Variants in IGF2BP2 observed in about 807,000 individuals in gnomAD.
IGF2BP2 encodes the protein insulin like growth factor 2 mRNA binding protein 2, also known as insulin-like growth factor 2 mRNA-binding protein 2.
A neutral mutation model predicts 75.8 loss-of-function variants in IGF2BP2; 17 were observed. The observed-to-expected ratio is 0.22, with a 90% CI of 0.15 to 0.34. IGF2BP2 has a LOEUF of 0.34. Ranked by LOEUF, IGF2BP2 falls within the 10% of genes least tolerant of loss-of-function variation. The pLI is 1.00. For synonymous variants in IGF2BP2, 288 were observed against 295.6 expected (o/e 0.97, Z 0.26); for missense variants, 516 against 772.4 (o/e 0.67, Z 3.93).
intron 13 of IGF2BP2, 47 bp from the exon 14 acceptor site, chr3:185,649,581 G>A (rs368015923): frequency 3.9e-5 from 62 of 1,609,132 alleles, no homozygotes; most frequent in East Asian, 2.0e-4. Flanking sequence ...GCCAGCAGCC[G>A]GCCACTTCAT....
intron 8 of IGF2BP2, 94 bp from the exon 9 acceptor site, chr3:185,675,525 G>C (rs928873231): frequency 5.6e-6 from 8 of 1,426,112 alleles, no homozygotes; most frequent in Admixed American, 2.2e-5. Flanking sequence ...TTGGCGGAGA[G>C]AGAGAAGACT....
chr3:185,706,694 C>G (rs1385416250), intron 2 of IGF2BP2, among the ~76,000 whole-genome samples: 1 of 151,604 alleles, frequency 6.6e-6, no homozygotes, highest in African/African-American at 2.4e-5. Context: ...GAAACCATCA[C>G]GCACTGTTCT....
At chr3:185,707,498 G>A (rs955163281) in intron 2 of IGF2BP2, among the ~76,000 whole-genome samples, 6 of 151,268 alleles carry the variant, frequency 4.0e-5, no homozygotes, top group Admixed American at 6.6e-5. Flanking sequence ...TAGTAGAGAC[G>A]GGGTTTCACC....
chr3:185,718,683 T>TAAAAAA (rs1560351743), intron 2 of IGF2BP2, among the ~76,000 whole-genome samples: 2 of 22,122 alleles, frequency 9.0e-5, no homozygotes, highest in African/African-American at 3.8e-4. Flanking sequence ...AGACTCTGTC[T>TAAAAAA]CAAAAAAAAA....
At chr3:185,662,294 A>T (rs1047745776) in intron 10 of IGF2BP2, among the ~76,000 whole-genome samples, 1 of 152,022 alleles carries the variant, frequency 6.6e-6, no homozygotes, top group Non-Finnish European at 1.5e-5. Context: ...CCTGGCCAAC[A>T]TGGTGAAACC....
At chr3:185,745,231 G>C (rs989795968) in intron 2 of IGF2BP2, among the ~76,000 whole-genome samples, 1 of 152,150 alleles carries the variant, frequency 6.6e-6, no homozygotes, top group Non-Finnish European at 1.5e-5. Flanking sequence ...ATCCTAAATA[G>C]AGGAATGGTC....
At position 185,643,259 on chromosome 3, in the gene IGF2BP2, C is replaced by T. The variant is rs966884887; in HGVS notation, c.*2272G>A. 3.9e-5 allele frequency among the ~76,000 whole-genome samples: 6 copies of T among 152,160 alleles called. No homozygotes were observed. Among genetic ancestry groups the T allele is most frequent in the African/African-American group, 7.2e-5 (3 of 41,444 alleles). Reference sequence around the variant, plus strand: ...CGTGGAGGCGTGAAGTGCCTCTTCCCGGAACTGCCGGGCATATTATCCTCC... The same window carrying T: ...CGTGGAGGCGTGAAGTGCCTCTTCCTGGAACTGCCGGGCATATTATCCTCC... On this transcript the variant is annotated 3_prime_UTR_variant, in exon 16 of 16. Coordinates refer to ENST00000382199, the MANE Select transcript of IGF2BP2 (RefSeq NM_006548.6).
rs1432054328 is a variant in IGF2BP2 at position 185,645,295 on chromosome 3, TG to T, written c.*235del. The T allele has an allele frequency of 5.5e-6, 3 of 549,748 alleles. No homozygotes were observed. Among genetic ancestry groups the T allele is most frequent in the East Asian group, 2.9e-5 (1 of 34,396 alleles). 34.1% of individuals were successfully genotyped at this position (549,748 alleles called of 1,614,324 possible). On this transcript the variant is annotated 3_prime_UTR_variant, in exon 16 of 16. Coordinates refer to ENST00000382199, the MANE Select transcript of IGF2BP2 (RefSeq NM_006548.6). The surrounding 1 kb of genome is among the most constrained non-coding windows in gnomAD (Gnocchi z 4.9). ...GGATGGCTGAAGCCTGCAGAAGCCC[TG>T]GGGGGCGGGAGGCGGGGCTCGGTGG...
At chr3:185,798,272 T>C (rs530637199) in intron 2 of IGF2BP2, among the ~76,000 whole-genome samples, 2 of 152,276 alleles carry the variant, frequency 1.3e-5, no homozygotes, top group African/African-American at 2.4e-5. Flanking sequence ...AGACAGTGAC[T>C]GGGCCCCGGT....
At chr3:185,713,272 A>T in intron 2 of IGF2BP2, 1 of 368,542 alleles carries the variant, frequency 2.7e-6, no homozygotes, top group Non-Finnish European at 5.4e-6. Context: ...GTTAATTAGT[A>T]ATATAGGGAT....
chr3:185,753,535 A>G (rs1437803677), intron 2 of IGF2BP2, among the ~76,000 whole-genome samples: 1 of 152,188 alleles, frequency 6.6e-6, no homozygotes, highest in African/African-American at 2.4e-5. Context: ...ACACGAAGAT[A>G]AGGCAACTGC....
intron 2 of IGF2BP2, among the ~76,000 whole-genome samples, chr3:185,799,781 G>T (rs1737954086): frequency 6.6e-6 from 1 of 151,520 alleles, no homozygotes; most frequent in African/African-American, 2.4e-5. Flanking sequence ...GGAAACAACA[G>T]ATGCTGGAGA....
intron 13 of IGF2BP2, among the ~76,000 whole-genome samples, 188 bp downstream of exon 13, chr3:185,651,906 G>A (rs569250291): frequency 1.3e-5 from 2 of 152,330 alleles, no homozygotes; most frequent in Admixed American, 1.3e-4. Flanking sequence ...GGAAGGGAAA[G>A]AGGGCTTCCC....
chr3:185,685,019 G>A (rs185289831), intron 7 of IGF2BP2, among the ~76,000 whole-genome samples: 29 of 152,172 alleles, frequency 1.9e-4, no homozygotes, highest in Admixed American at 6.5e-4. Flanking sequence ...GACTAATTTA[G>A]AATTTTATTA....
chr3:185,749,323 C>CTA (rs1033077240), intron 2 of IGF2BP2, among the ~76,000 whole-genome samples: 109 of 152,204 alleles, frequency 7.2e-4, no homozygotes, highest in African/African-American at 2.5e-3. Context: ...AGATAAATGT[C>CTA]TAGAGGCAGA....
intron 2 of IGF2BP2, among the ~76,000 whole-genome samples, chr3:185,699,124 G>GT (rs1313194345): frequency 1.3e-5 from 2 of 151,990 alleles, no homozygotes; most frequent in African/African-American, 4.8e-5. Context: ...TCATGAGCAT[G>GT]TTTTAAGGTT....
chr3:185,667,558 C>T (rs529497881), intron 10 of IGF2BP2, among the ~76,000 whole-genome samples: 4 of 152,106 alleles, frequency 2.6e-5, no homozygotes, highest in African/African-American at 9.7e-5. Flanking sequence ...CTTAGCATGA[C>T]GTCAAAGGTC....
At chr3:185,723,038 T>C (rs1045419046) in intron 2 of IGF2BP2, among the ~76,000 whole-genome samples, 2 of 152,196 alleles carry the variant, frequency 1.3e-5, no homozygotes, top group African/African-American at 4.8e-5. Context: ...TTGAAAACTG[T>C]TGAAACGTTT....
intron 2 of IGF2BP2, among the ~76,000 whole-genome samples, chr3:185,761,507 C>G (rs1371929416): frequency 6.6e-6 from 1 of 152,172 alleles, no homozygotes; most frequent in African/African-American, 2.4e-5. Flanking sequence ...AGAACCATCC[C>G]CATCCCAAGT....
Sources: allele counts gnomAD v4.1 joint callset (sites outside exome capture counted in the v4.1 genomes callset), GRCh38; gene constraint gnomAD v4.1.1; non-coding constraint Gnocchi (gnomAD v3.1); transcripts MANE v1.5; gene names NCBI Gene and HGNC (gene_info 2026-07-23, HGNC 2026-07-21).